The following ZNF233 variants were observed in gnomAD, a reference collection of about 807,000 sequenced individuals.
ZNF233 encodes the protein zinc finger protein 233.
Under a neutral mutation model 11.6 loss-of-function variants are expected in ZNF233, and 7 were observed. That is an observed-to-expected ratio of 0.60 (90% CI 0.34 to 1.13). ZNF233 has a LOEUF of 1.13. ZNF233 is among the 50% of genes most tolerant of loss of function. ZNF233 has a pLI of 0.03. For missense variants in ZNF233, 711 were observed against 785.5 expected, an observed-to-expected ratio of 0.91 and a Z score of 1.13; for synonymous variants, 226 against 268.5, an observed-to-expected ratio of 0.84 and a Z score of 1.55.
At position 44,272,938 on chromosome 19, in the gene ZNF233, T is replaced by C. The variant is rs1165754222; in HGVS notation, c.278T>C (p.Val93Ala). 4.4e-6 allele frequency: 7 copies of C among 1,603,712 alleles called. No individual in the cohort carries two copies. Among genetic ancestry groups the C allele is most frequent in the Non-Finnish European group, 5.9e-6 (7 of 1,177,146 alleles). ...AATGAGATAGATACCCTTCAAGAAG[T>C]AAGATTAAGATTCCTTTCATATGAA... ...NQNEIDTLQE[V>A]RLRFLSYEDL... Residue 93 changes from valine to alanine, a missense_variant, in exon 5 of 5, where the codon GTA becomes GCA. Transcript: ENST00000683810.
intron 4 of ZNF233, chr19:44,267,560 T>G (rs1975125671): frequency 2.5e-6 from 1 of 394,126 alleles, no homozygotes; most frequent in African/African-American, 2.1e-5. Context: ...TTTTTTTTTT[T>G]TGGTAGAGAT....
chr19:44,260,928 G>C (rs891343784), intron 1 of ZNF233, among the ~76,000 whole-genome samples: 1 of 152,196 alleles, frequency 6.6e-6, no homozygotes, highest in Non-Finnish European at 1.5e-5. Context: ...TTGAGTGCCA[G>C]GGTCTCTTCT....
chr19:44,266,043 G>A (rs895999873), intron 2 of ZNF233, 155 bp from the exon 3 acceptor site: 2 of 671,818 alleles, frequency 3.0e-6, no homozygotes, highest in Non-Finnish European at 4.5e-6. Flanking sequence ...AGATTGGCAT[G>A]TGGGATGGAG....
chr19:44,273,988 A>G lies in ZNF233; in HGVS notation c.1328A>G (p.Gln443Arg). 1 of 1,613,636 alleles carries G rather than the reference A, an allele frequency of 6.2e-7. No homozygotes were observed. Among genetic ancestry groups the G allele is most frequent in the African/African-American group, 1.3e-5 (1 of 74,980 alleles). ...RIFNRNSGLH[Q>R]RVHTGEKPYK... ...TTTAATAGGAATTCTGGTCTTCACC[A>G]GAGAGTTCACACTGGAGAGAAACCA... is the stretch of plus-strand genomic sequence containing the variant. The change falls in exon 5 of 5, where the codon CAG becomes CGG. Residue 443 changes from glutamine (Q) to arginine (R), a missense_variant. Transcript: ENST00000683810.
chr19:44,263,327 A>G (rs1041881145), intron 1 of ZNF233, among the ~76,000 whole-genome samples: 7 of 152,258 alleles, frequency 4.6e-5, no homozygotes, highest in Non-Finnish European at 8.8e-5. Context: ...ACTCTTTACT[A>G]TCTCTTCTCT....
intron 1 of ZNF233, chr19:44,260,164 C>T: frequency 4.2e-6 from 1 of 238,334 alleles, no homozygotes; most frequent in South Asian, 3.9e-5. Flanking sequence ...CCCTCGCCTT[C>T]CCCACCTTCC....
intron 4 of ZNF233, among the ~76,000 whole-genome samples, chr19:44,272,292 C>G (rs1053252512): frequency 1.4e-5 from 2 of 143,888 alleles, no homozygotes; most frequent in Non-Finnish European, 3.0e-5. Flanking sequence ...AAAATCCTGG[C>G]TATATGTGAG....
At chr19:44,264,148 C>A (rs149883850) in intron 1 of ZNF233, among the ~76,000 whole-genome samples, 166 bp from the exon 2 acceptor site, 5 of 152,134 alleles carry the variant, frequency 3.3e-5, no homozygotes, top group Admixed American at 6.5e-5. Flanking sequence ...CGTCATGTTG[C>A]GGGCTAGTCT....
rs748058037 is a variant in ZNF233 at position 44,273,608 on chromosome 19, T to G, written c.948T>G (p.Asn316Lys). Residue 316 changes from asparagine (N) to lysine (K), a missense_variant, in exon 5 of 5, where the codon AAT (asparagine) becomes AAG (lysine). Asn to Lys is a moderately conservative substitution (Grantham distance 94). Transcript: ENST00000683810. Reference protein sequence around the residue: ...CFHIGEKCYRNGDSGEGFSQG... With the variant: ...CFHIGEKCYRKGDSGEGFSQG... ...ACATAGGAGAGAAATGCTATAGGAATGGTGACAGTGGTGAGGGCTTCAGTC... is the reference window on the plus strand; with the variant it reads ...ACATAGGAGAGAAATGCTATAGGAAGGGTGACAGTGGTGAGGGCTTCAGTC... 2 of 1,614,184 alleles carry G rather than the reference T, an allele frequency of 1.2e-6. No homozygotes were observed. The highest frequency in any genetic ancestry group is 4.5e-5 in the East Asian group (2 of 44,874).
Position 44,273,941 on chromosome 19 carries a change from A to C in ZNF233, c.1281A>C (p.Lys427Asn). Residue 427 changes from lysine (K) to asparagine (N), a missense_variant, in exon 5 of 5, where the codon AAA (lysine) becomes AAC (asparagine). Lys to Asn is a moderately conservative substitution (Grantham distance 94). Transcript: ENST00000683810. ...GTCACTCTAGAGACAAGACATACAA[A>C]TGGGAAGTAAGTGACAGGATATTTA... ...QRGHSRDKTYKWEVSDRIFNR... is the reference protein window; with the variant it reads ...QRGHSRDKTYNWEVSDRIFNR... 1.2e-6 allele frequency: 2 copies of C among 1,614,022 alleles called. No homozygotes were observed. Among genetic ancestry groups the C allele is most frequent in the Middle Eastern group, 1.6e-4 (1 of 6,062 alleles).
intron 4 of ZNF233, among the ~76,000 whole-genome samples, chr19:44,269,544 T>C (rs1367211876): frequency 6.6e-6 from 1 of 152,192 alleles, no homozygotes; most frequent in African/African-American, 2.4e-5. Context: ...TCTGCCCACG[T>C]TGGCCTCCCA....
Position 44,270,346 on chromosome 19 carries a change from TA to T in ZNF233, c.239-2528del, listed in dbSNP as rs398034740. Reference sequence around the variant, plus strand: ...CAACATGGTGAAACCCCATCTATACTAAAAAAAAAAAAAAAAAAAAAAAAAT... The same window carrying T: ...CAACATGGTGAAACCCCATCTATACTAAAAAAAAAAAAAAAAAAAAAAAAT... On this transcript the variant is annotated intron_variant, in intron 4 of 4. Transcript: ENST00000683810. 1.7e-3 allele frequency among the ~76,000 whole-genome samples: 123 copies of T among 72,730 alleles called. 1 individual carries two copies. The highest frequency in any genetic ancestry group is 2.8e-3 in the African/African-American group (46 of 16,498). The allele number at this position is 72,730 out of a possible 152,430, so 47.7% of individuals were successfully genotyped here.
intron 1 of ZNF233, among the ~76,000 whole-genome samples, chr19:44,263,214 GTATT>G (rs1172167809): frequency 2.6e-5 from 4 of 152,106 alleles, no homozygotes; most frequent in African/African-American, 9.7e-5. Context: ...CAATTCGGTG[GTATT>G]TAGTGTATCC....
chr19:44,269,010 G>T (rs191459678), intron 4 of ZNF233, among the ~76,000 whole-genome samples: 5 of 152,288 alleles, frequency 3.3e-5, no homozygotes, highest in South Asian at 4.1e-4. Context: ...TAAGTAGCTG[G>T]AGTAGTAAAA....
chr19:44,274,422 G>T lies in ZNF233; in HGVS notation c.1762G>T (p.Gly588Ter). ...TCAAGCCCATCAGAGAGTCCACACA[G>T]GAGAGAAACCATACAAATGTGAAGA... Reference protein sequence around the residue: ...HLQAHQRVHTGEKPYKCEECR... With the variant: ...HLQAHQRVHT Residue 588 changes from glycine to a stop codon, truncating the protein, a stop_gained, in exon 5 of 5, where the codon GGA (glycine) becomes TGA (stop). Transcript: ENST00000683810. LOFTEE classifies it low-confidence loss of function (END_TRUNC). The T allele has an allele frequency of 6.2e-7, 1 of 1,614,232 alleles. No individual in the cohort carries two copies. Among genetic ancestry groups the T allele is most frequent in the Non-Finnish European group, 8.5e-7 (1 of 1,180,038 alleles).
intron 1 of ZNF233, 64 bp downstream of exon 1, chr19:44,260,002 G>A (rs749855556): frequency 5.7e-5 from 25 of 438,650 alleles, no homozygotes; most frequent in Non-Finnish European, 9.7e-5. Flanking sequence ...TGGACTCGCA[G>A]GTGCCTGCCC....
chr19:44,261,256 A>G (rs1478347121), intron 1 of ZNF233, among the ~76,000 whole-genome samples: 1 of 152,000 alleles, frequency 6.6e-6, no homozygotes, highest in Non-Finnish European at 1.5e-5. Context: ...CCTGGGCAAC[A>G]TAGTGAGACT....
At position 44,273,596 on chromosome 19, in the gene ZNF233, A is replaced by G; in HGVS notation, c.936A>G (p.Lys312=). The G allele has an allele frequency of 6.2e-7, 1 of 1,614,182 alleles. No homozygotes were observed. The highest frequency in any genetic ancestry group is 8.5e-7 in the Non-Finnish European group (1 of 1,180,028). Residue 312 remains lysine, a synonymous_variant, in exon 5 of 5, where the codon AAA becomes AAG. Coordinates refer to ENST00000683810, the MANE Select transcript of ZNF233 (RefSeq NM_001207005.2). The stretch of plus-strand genomic sequence containing the variant: ...ATCAGTGTTTCCACATAGGAGAGAA[A>G]TGCTATAGGAATGGTGACAGTGGTG... ...PRHQCFHIGE[K]CYRNGDSGEG... is the part of the protein sequence containing the mutation.
intron 4 of ZNF233, among the ~76,000 whole-genome samples, chr19:44,270,941 G>C (rs901368824): frequency 2.6e-5 from 4 of 152,166 alleles, no homozygotes; most frequent in African/African-American, 4.8e-5. Flanking sequence ...ACTTGATACA[G>C]TGTGGGAGGG....
Sources: allele counts gnomAD v4.1 joint callset (sites outside exome capture counted in the v4.1 genomes callset), GRCh38; gene constraint gnomAD v4.1.1; transcripts MANE v1.5; gene names NCBI Gene and HGNC (gene_info 2026-07-23, HGNC 2026-07-21).